LAMA2: variants seen among roughly 807,000 people sequenced by gnomAD.
LAMA2 encodes the protein laminin subunit alpha 2.
In LAMA2, 269 loss-of-function variants were observed where a neutral mutation model predicts 364.8. That is an observed-to-expected ratio of 0.74 (90% CI 0.67 to 0.82). The LOEUF (loss-of-function observed/expected upper bound fraction) is 0.82. Ranked by LOEUF, LAMA2 falls within the 40% of genes least tolerant of loss-of-function variation. LAMA2 has a pLI of 0.00. For missense variants in LAMA2, 3,807 were observed against 3,873.2 expected (o/e 0.98, Z 0.45); for synonymous variants, 1,379 against 1,370.6 (o/e 1.01, Z -0.14).
intron 1 of LAMA2, among the ~76,000 whole-genome samples, chr6:128,952,664 G>A (rs1024704954): frequency 1.3e-5 from 2 of 152,122 alleles, no homozygotes; most frequent in Non-Finnish European, 2.9e-5. Flanking sequence ...TATATTAATA[G>A]TGATAATATT....
chr6:128,964,170 A>T (rs932738480), intron 1 of LAMA2, among the ~76,000 whole-genome samples: 3 of 152,066 alleles, frequency 2.0e-5, no homozygotes, highest in Non-Finnish European at 4.4e-5. Flanking sequence ...CTCATATTTT[A>T]AAAATGGGCA....
At chr6:129,238,911 A>G (rs1160410623) in intron 12 of LAMA2, among the ~76,000 whole-genome samples, 1 of 150,898 alleles carries the variant, frequency 6.6e-6, no homozygotes, top group African/African-American at 2.4e-5. Context: ...TTTTTGTATT[A>G]TCTGTAGCTT....
chr6:129,278,193 C>T (rs1399921071), intron 17 of LAMA2, among the ~76,000 whole-genome samples: 5 of 152,138 alleles, frequency 3.3e-5, no homozygotes, highest in Non-Finnish European at 7.4e-5. Context: ...CAGAGCAAGA[C>T]TCTGTCTCAA....
At chr6:129,512,636 T>C in intron 63 of LAMA2, 143 bp downstream of exon 63, 1 of 942,220 alleles carries the variant, frequency 1.1e-6, no homozygotes, top group Non-Finnish European at 1.7e-6. Flanking sequence ...GTTTTCATCC[T>C]TCTGGATTAC....
At chr6:129,227,206 A>G (rs978874034) in intron 12 of LAMA2, among the ~76,000 whole-genome samples, 2 of 151,916 alleles carry the variant, frequency 1.3e-5, no homozygotes. Context: ...ACTTCTCTAC[A>G]CTGGTTATTC....
In LAMA2 at chr6:128,993,109, C is replaced by A. The variant is rs554646099; in HGVS notation, c.113-56809C>A. On this transcript the variant is annotated intron_variant, in intron 1 of 64. Transcript: ENST00000421865. ...TCTTTCTGAGGATGAAATCACTTAA[C>A]CCCAGCAACGCCACTGATTATTTTC... is the stretch of plus-strand genomic sequence containing the variant. Among the ~76,000 whole-genome samples the A allele has an allele frequency of 3.9e-5, 6 of 152,280 alleles. No individual in the cohort carries two copies. The South Asian group carries it at 6.2e-4, about 16-fold the overall frequency.
intron 31 of LAMA2, among the ~76,000 whole-genome samples, chr6:129,352,432 G>A (rs1485804992): frequency 6.6e-6 from 1 of 152,156 alleles, no homozygotes; most frequent in African/African-American, 2.4e-5. Flanking sequence ...CACTTCCACA[G>A]ATACACATGA....
chr6:128,922,592 T>C (rs1778810989), intron 1 of LAMA2, among the ~76,000 whole-genome samples: 1 of 151,932 alleles, frequency 6.6e-6, no homozygotes, highest in Non-Finnish European at 1.5e-5. Flanking sequence ...GAGTTCATTG[T>C]AGATTCTGGA....
chr6:129,248,725 C>T (rs1421680154), intron 12 of LAMA2, among the ~76,000 whole-genome samples: 1 of 152,114 alleles, frequency 6.6e-6, no homozygotes, highest in Admixed American at 6.5e-5. Context: ...ATATATACAA[C>T]ATAAAACTTT....
Position 129,158,810 on chromosome 6 carries a change from T to C in LAMA2, c.1206+4127T>C, listed in dbSNP as rs1583157870. 5 of 1,614,176 alleles carry C rather than the reference T, an allele frequency of 3.1e-6. 1 individual carries two copies. The highest frequency in any genetic ancestry group is 2.2e-5 in the East Asian group (1 of 44,878). On this transcript the variant is annotated intron_variant, in intron 8 of 64. Coordinates refer to ENST00000421865, the MANE Select transcript of LAMA2 (RefSeq NM_000426.4). ...ATCTTTGCACTGAAAATCAGATCCT[T>C]CATATTTCATACACCCTGAAGCTAA... is the stretch of plus-strand genomic sequence containing the variant.
At chr6:128,957,279 C>A (rs868124432) in intron 1 of LAMA2, among the ~76,000 whole-genome samples, 3 of 152,110 alleles carry the variant, frequency 2.0e-5, no homozygotes, top group Middle Eastern at 3.4e-3. Flanking sequence ...ATTTATAAAC[C>A]ACTAAATCTT....
intron 51 of LAMA2, among the ~76,000 whole-genome samples, chr6:129,471,155 C>G (rs1783791434): frequency 6.6e-6 from 1 of 151,834 alleles, no homozygotes; most frequent in Non-Finnish European, 1.5e-5. Context: ...CTGAACTCAT[C>G]AACTGTGAAA....
At chr6:129,161,318 A>AT (rs1779426573) in intron 8 of LAMA2, among the ~76,000 whole-genome samples, 2 of 152,040 alleles carry the variant, frequency 1.3e-5, no homozygotes, top group Admixed American at 1.3e-4. Context: ...AAATAGATGG[A>AT]TTTTTTATCC....
chr6:129,015,912 C>T (rs905348183), intron 1 of LAMA2, among the ~76,000 whole-genome samples: 1 of 151,988 alleles, frequency 6.6e-6, no homozygotes, highest in Non-Finnish European at 1.5e-5. Flanking sequence ...TGCATCCAAC[C>T]GAGAAAAACC....
intron 3 of LAMA2, among the ~76,000 whole-genome samples, chr6:129,075,889 G>A (rs1296742323): frequency 6.6e-6 from 1 of 151,906 alleles, no homozygotes; most frequent in Non-Finnish European, 1.5e-5. Context: ...AGGTATTCGA[G>A]ACCAGCAACC....
At chr6:129,086,131 C>T (rs1002830506) in intron 3 of LAMA2, among the ~76,000 whole-genome samples, 8 of 152,138 alleles carry the variant, frequency 5.3e-5, no homozygotes, top group Admixed American at 2.0e-4. Context: ...TGCAAGTCTT[C>T]GTTTTGAAGA....
intron 12 of LAMA2, among the ~76,000 whole-genome samples, chr6:129,200,355 TATAC>T (rs1782182201): frequency 6.9e-6 from 1 of 145,224 alleles, no homozygotes; most frequent in African/African-American, 2.6e-5. Flanking sequence ...TGTGTACACA[TATAC>T]ATATACACGT....
rs539061079 is a variant in LAMA2, at chr6:129,268,085, A to G, written c.2322+866A>G. Among the ~76,000 whole-genome samples, 10 of 152,044 alleles carry G rather than the reference A, an allele frequency of 6.6e-5. No homozygotes were observed. In the East Asian group the frequency reaches 1.9e-3, roughly 29 times the overall value. ...ATCTTTCTCTTGCTCATTTTCCCCCATTTCTCTTCTACTTAAAAGCTTCTG... is the reference window on the plus strand; with the variant it reads ...ATCTTTCTCTTGCTCATTTTCCCCCGTTTCTCTTCTACTTAAAAGCTTCTG... On this transcript the variant is annotated intron_variant, in intron 16 of 64. Coordinates refer to ENST00000421865, the MANE Select transcript of LAMA2 (RefSeq NM_000426.4).
chr6:129,111,338 AC>A (rs2114900669), intron 4 of LAMA2, among the ~76,000 whole-genome samples: 1 of 152,210 alleles, frequency 6.6e-6, no homozygotes, highest in East Asian at 1.9e-4. Flanking sequence ...ATCAGGGATA[AC>A]AAAAATCCTA....
Sources: allele counts gnomAD v4.1 joint callset (sites outside exome capture counted in the v4.1 genomes callset), GRCh38; gene constraint gnomAD v4.1.1; transcripts MANE v1.5; gene names NCBI Gene and HGNC (gene_info 2026-07-23, HGNC 2026-07-21).